The following CNTNAP2 variants were observed in gnomAD, a reference collection of about 807,000 sequenced individuals.
CNTNAP2 encodes contactin associated protein 2, also known as contactin-associated protein-like 2.
CNTNAP2 carries 98 observed loss-of-function variants against 155.2 expected under a neutral mutation model. That is an observed-to-expected ratio of 0.63 (90% confidence interval 0.54 to 0.75). CNTNAP2 has a LOEUF of 0.75. Ranked by LOEUF, CNTNAP2 falls within the 30% of genes least tolerant of loss-of-function variation. The pLI, the probability that CNTNAP2 is intolerant of heterozygous loss-of-function variation, is 0.00. For missense variants in CNTNAP2, 1,727 were observed against 1,688.1 expected, an observed-to-expected ratio of 1.02 and a Z score of -0.40; for synonymous variants, 651 against 631.2, an observed-to-expected ratio of 1.03 and a Z score of -0.47.
At chr7:148,197,110 G>T (rs1008205976) in intron 18 of CNTNAP2, among the ~76,000 whole-genome samples, 4 of 151,704 alleles carry the variant, frequency 2.6e-5, no homozygotes, top group Admixed American at 2.6e-4. Flanking sequence ...ACACACAAAG[G>T]GAAAAAAATC....
intron 13 of CNTNAP2, among the ~76,000 whole-genome samples, chr7:147,874,494 G>A (rs932813875): frequency 6.6e-6 from 1 of 151,816 alleles, no homozygotes; most frequent in Non-Finnish European, 1.5e-5. Flanking sequence ...AGCCATGGCT[G>A]GAGCAGCTTG....
chr7:148,108,765 G>T (rs2116593673), intron 15 of CNTNAP2, among the ~76,000 whole-genome samples: 1 of 152,284 alleles, frequency 6.6e-6, no homozygotes, highest in South Asian at 2.1e-4. Context: ...AAGTTGTATT[G>T]CACAGCTTGG....
intron 8 of CNTNAP2, among the ~76,000 whole-genome samples, chr7:147,241,141 G>T (rs1447091101): frequency 6.6e-6 from 1 of 152,124 alleles, no homozygotes; most frequent in African/African-American, 2.4e-5. Context: ...TTGCTTCAAG[G>T]TACAAGAATG....
rs376155823 is a variant in CNTNAP2, at chr7:147,935,399, A to G, written c.2255+31678A>G. On this transcript the variant is annotated intron_variant, in intron 14 of 23. Coordinates refer to ENST00000361727, the MANE Select transcript of CNTNAP2 (RefSeq NM_014141.6). ...CTCAGCCTCCCGAAGTGCTGGGATT[A>G]CAGGCGTGAGCCACTGCGCCCAGCC... is the stretch of plus-strand genomic sequence containing the variant. Among the ~76,000 whole-genome samples the G allele has an allele frequency of 2.6e-5, 4 of 152,238 alleles. No homozygotes were observed. The East Asian group carries it at 7.7e-4, about 29-fold the overall frequency.
At chr7:148,343,347 A>C (rs1483197674) in intron 21 of CNTNAP2, among the ~76,000 whole-genome samples, 2 of 152,190 alleles carry the variant, frequency 1.3e-5, no homozygotes, top group Non-Finnish European at 2.9e-5. Context: ...CCCACAGTAC[A>C]GTGCTTCTCA....
intron 11 of CNTNAP2, among the ~76,000 whole-genome samples, chr7:147,543,123 C>G (rs1006962590): frequency 1.3e-5 from 2 of 152,184 alleles, no homozygotes; most frequent in African/African-American, 2.4e-5. Context: ...TATTTATTAA[C>G]AGCAAACCAG....
At chr7:147,905,224 A>C (rs573051933) in intron 14 of CNTNAP2, among the ~76,000 whole-genome samples, 1 of 152,278 alleles carries the variant, frequency 6.6e-6, no homozygotes, top group South Asian at 2.1e-4. Flanking sequence ...TGTCTATCCA[A>C]CATTAATTCC....
chr7:146,625,631 A>G (rs347221), intron 1 of CNTNAP2, among the ~76,000 whole-genome samples: 2 of 152,018 alleles, frequency 1.3e-5, no homozygotes, highest in African/African-American at 2.4e-5. Flanking sequence ...AGAATTCTGA[A>G]ATGTAATTGA....
intron 1 of CNTNAP2, among the ~76,000 whole-genome samples, chr7:146,130,386 C>A (rs1473856484): frequency 6.6e-6 from 1 of 152,138 alleles, no homozygotes; most frequent in Non-Finnish European, 1.5e-5. Context: ...GGAAGGATTG[C>A]GTGAGCCCCG....
At chr7:146,436,736 A>G (rs531237829) in intron 1 of CNTNAP2, among the ~76,000 whole-genome samples, 1 of 152,008 alleles carries the variant, frequency 6.6e-6, no homozygotes, top group Non-Finnish European at 1.5e-5. Flanking sequence ...TATGAAAACA[A>G]TTTATGAAAT....
chr7:146,946,609 C>A lies in CNTNAP2; in HGVS notation c.403-97298C>A, dbSNP rs371321718. 1.7e-4 allele frequency among the ~76,000 whole-genome samples: 26 copies of A among 152,042 alleles called. No homozygotes were observed. In the East Asian group the frequency reaches 2.3e-3, roughly 14 times the overall value. ...GAGCTTTAAAGGTAAAAGGTTGGTG[C>A]AAAAGTAATTACAGTTTCAGTCTGT... is the stretch of plus-strand genomic sequence containing the variant. On this transcript the variant is annotated intron_variant, in intron 3 of 23. Transcript: ENST00000361727.
At chr7:146,382,978 C>A (rs189272417) in intron 1 of CNTNAP2, among the ~76,000 whole-genome samples, 1 of 152,220 alleles carries the variant, frequency 6.6e-6, no homozygotes, top group East Asian at 1.9e-4. Context: ...TGATTTTCCC[C>A]TTCACTGATA....
At chr7:147,878,429 T>C (rs1021246529) in intron 13 of CNTNAP2, among the ~76,000 whole-genome samples, 1 of 115,026 alleles carries the variant, frequency 8.7e-6, no homozygotes. Flanking sequence ...CATTTGATAG[T>C]AATTTGAATT....
At chr7:147,395,968 G>GAT (rs1319340714) in intron 10 of CNTNAP2, among the ~76,000 whole-genome samples, 188 bp downstream of exon 10, 7 of 148,908 alleles carry the variant, frequency 4.7e-5, no homozygotes, top group African/African-American at 1.7e-4. Context: ...TTTTTATGTG[G>GAT]ATATATATAT....
intron 8 of CNTNAP2, among the ~76,000 whole-genome samples, chr7:147,168,058 TA>T (rs1802152289): frequency 6.7e-6 from 1 of 148,700 alleles, no homozygotes; most frequent in Non-Finnish European, 1.5e-5. Context: ...AAAATGTATA[TA>T]AACATATATA....
chr7:146,777,111 A>T (rs866393022), intron 2 of CNTNAP2, among the ~76,000 whole-genome samples: 1 of 152,204 alleles, frequency 6.6e-6, no homozygotes, highest in African/African-American at 2.4e-5. Flanking sequence ...CCCACAGTTC[A>T]TCTCTTTTTG....
intron 3 of CNTNAP2, among the ~76,000 whole-genome samples, chr7:146,956,359 T>C (rs1043885621): frequency 2.0e-5 from 3 of 152,160 alleles, no homozygotes; most frequent in African/African-American, 4.8e-5. Flanking sequence ...TCTCTAATTA[T>C]TGCAAATATC....
chr7:147,130,615 G>A (rs1471158971), intron 7 of CNTNAP2, among the ~76,000 whole-genome samples: 1 of 152,110 alleles, frequency 6.6e-6, no homozygotes, highest in Non-Finnish European at 1.5e-5. Context: ...ATGGGATAGA[G>A]ACAAATAGGA....
chr7:146,431,359 A>G (rs576260996), intron 1 of CNTNAP2, among the ~76,000 whole-genome samples: 1 of 152,188 alleles, frequency 6.6e-6, no homozygotes, highest in South Asian at 2.1e-4. Context: ...TAATTATTAA[A>G]GAATATTTCC....
Sources: allele counts gnomAD v4.1 joint callset (sites outside exome capture counted in the v4.1 genomes callset), GRCh38; gene constraint gnomAD v4.1.1; transcripts MANE v1.5; gene names NCBI Gene and HGNC (gene_info 2026-07-23, HGNC 2026-07-21).